The following TCAIM variants were observed in gnomAD, a reference collection of about 807,000 sequenced individuals.
TCAIM encodes T-cell activation inhibitor, mitochondrial.
A neutral mutation model predicts 58.6 loss-of-function variants in TCAIM; 36 were observed. That is an observed-to-expected ratio of 0.61 (90% CI 0.47 to 0.81). The LOEUF is 0.81. TCAIM is among the 30% of genes least tolerant of loss of function. TCAIM has a pLI of 0.00. For synonymous variants in TCAIM, 172 were observed against 193.6 expected (o/e 0.89, Z 0.93); for missense variants, 466 against 579.6 (o/e 0.80, Z 2.01).
chr3:44,372,074 G>A (rs535549465), intron 5 of TCAIM, among the ~76,000 whole-genome samples: 2 of 115,520 alleles, frequency 1.7e-5, no homozygotes, highest in African/African-American at 6.2e-5. Flanking sequence ...AGGAAGGAAG[G>A]AAGATACAGT....
intron 2 of TCAIM, among the ~76,000 whole-genome samples, chr3:44,356,922 A>T (rs945318850): frequency 1.3e-5 from 2 of 149,716 alleles, no homozygotes; most frequent in African/African-American, 4.9e-5. Flanking sequence ...GATTGCATGC[A>T]GTGAGCCAAG....
chr3:44,351,475 A>ATTTAT (rs890701613), intron 1 of TCAIM, among the ~76,000 whole-genome samples: 69 of 151,730 alleles, frequency 4.5e-4, no homozygotes, highest in East Asian at 3.9e-4. Context: ...ACCTTTTTAA[A>ATTTAT]TTTATTTTAT....
intron 8 of TCAIM, among the ~76,000 whole-genome samples, chr3:44,398,398 C>A (rs1246772823): frequency 4.6e-5 from 7 of 151,704 alleles, no homozygotes; most frequent in African/African-American, 7.3e-5. Flanking sequence ...CCACTGCATT[C>A]CAGCCTGGGC....
At chr3:44,356,379 T>G (rs1701190756) in intron 2 of TCAIM, among the ~76,000 whole-genome samples, 1 of 151,768 alleles carries the variant, frequency 6.6e-6, no homozygotes, top group Non-Finnish European at 1.5e-5. Context: ...ATGCAAAAAT[T>G]AACTGGGCAC....
At chr3:44,402,245 T>TG (rs1193114552) in intron 10 of TCAIM, among the ~76,000 whole-genome samples, 1 of 146,276 alleles carries the variant, frequency 6.8e-6, no homozygotes, top group Non-Finnish European at 1.5e-5. Flanking sequence ...GGCAATATGG[T>TG]GGGGAAAAAA....
chr3:44,362,177 T>C (rs1701304566), intron 4 of TCAIM, among the ~76,000 whole-genome samples: 1 of 152,254 alleles, frequency 6.6e-6, no homozygotes, highest in Non-Finnish European at 1.5e-5. Context: ...CACTGAGTGC[T>C]TTCTGTGAGT....
intron 5 of TCAIM, among the ~76,000 whole-genome samples, chr3:44,377,915 A>C (rs1000140133): frequency 6.6e-6 from 1 of 152,260 alleles, no homozygotes; most frequent in Non-Finnish European, 1.5e-5. Flanking sequence ...TGCCAAAAGC[A>C]ATTCCAACAA....
In TCAIM at chr3:44,373,927, AC is replaced by A. The variant is rs1354121900; in HGVS notation, c.572+6220del. ...CCATATGAAATGTCTATCCCACTGAACAAACATGTCATTGAACTAGAAAAAG... is the reference window on the plus strand; with the variant it reads ...CCATATGAAATGTCTATCCCACTGAAAAACATGTCATTGAACTAGAAAAAG... On this transcript the variant is annotated intron_variant, in intron 5 of 10. Coordinates refer to ENST00000342649, the MANE Select transcript of TCAIM (RefSeq NM_173826.4). Among the ~76,000 whole-genome samples, 13 of 152,316 alleles carry A rather than the reference AC, an allele frequency of 8.5e-5. No homozygotes were observed. In the East Asian group the frequency reaches 2.5e-3, roughly 29 times the overall value.
At chr3:44,386,699 C>T (rs1701748649) in intron 5 of TCAIM, among the ~76,000 whole-genome samples, 1 of 152,256 alleles carries the variant, frequency 6.6e-6, no homozygotes, top group African/African-American at 2.4e-5. Flanking sequence ...GCTGACACAC[C>T]AGCCCCCTGC....
intron 2 of TCAIM, among the ~76,000 whole-genome samples, chr3:44,356,426 C>T (rs1701191763): frequency 6.6e-6 from 1 of 152,000 alleles, no homozygotes; most frequent in Admixed American, 6.6e-5. Flanking sequence ...ACTTGCAAGG[C>T]TGAGGCAGGA....
At position 44,343,297 on chromosome 3, in the gene TCAIM, CT is replaced by C. The variant is rs144584712; in HGVS notation, c.-45+4464del. ...GATTTGAATACAAATCTCAAGCCCCCTAGCCTCCATTTCCTAACCATTATGC... is the reference window on the plus strand; with the variant it reads ...GATTTGAATACAAATCTCAAGCCCCCAGCCTCCATTTCCTAACCATTATGC... On this transcript the variant is annotated intron_variant, in intron 1 of 10. Coordinates refer to ENST00000342649, the MANE Select transcript of TCAIM (RefSeq NM_173826.4). Among the ~76,000 whole-genome samples, 560 of 152,206 alleles carry C rather than the reference CT, an allele frequency of 3.7e-3. 2 individuals are homozygous for C. The highest frequency in any genetic ancestry group is 0.013 in the African/African-American group (531 of 41,538).
intron 5 of TCAIM, among the ~76,000 whole-genome samples, chr3:44,374,691 G>T (rs993305320): frequency 4.6e-5 from 7 of 152,084 alleles, no homozygotes; most frequent in Non-Finnish European, 1.0e-4. Flanking sequence ...AGCCCAGGAG[G>T]TCTAGGCTGC....
At chr3:44,360,159 CT>C (rs1701272161) in intron 3 of TCAIM, among the ~76,000 whole-genome samples, 1 of 152,110 alleles carries the variant, frequency 6.6e-6, no homozygotes, top group African/African-American at 2.4e-5. Context: ...ATTCCGTCCC[CT>C]CTTTACCCTG....
chr3:44,398,417 G>A (rs1490561333), intron 8 of TCAIM, among the ~76,000 whole-genome samples: 6 of 145,150 alleles, frequency 4.1e-5, no homozygotes, highest in Admixed American at 7.1e-5. Context: ...GCAACACAGC[G>A]AGACTGTGTC....
At chr3:44,367,350 G>A (rs969069048) in intron 4 of TCAIM, 106 bp from the exon 5 acceptor site, 19 of 1,315,604 alleles carry the variant, frequency 1.4e-5, no homozygotes, top group Middle Eastern at 5.5e-4. Context: ...CTAATAGGAC[G>A]AATTTAAATC....
At chr3:44,364,043 C>T (rs542443528) in intron 4 of TCAIM, among the ~76,000 whole-genome samples, 1 of 149,816 alleles carries the variant, frequency 6.7e-6, no homozygotes, top group South Asian at 2.1e-4. Context: ...ATTCTTCTGC[C>T]TCAGCCTCCT....
chr3:44,381,097 C>G (rs1486862054), intron 5 of TCAIM, among the ~76,000 whole-genome samples: 2 of 152,132 alleles, frequency 1.3e-5, no homozygotes, highest in African/African-American at 4.8e-5. Flanking sequence ...GAAGAAGGAA[C>G]ACTCCCTAAC....
intron 1 of TCAIM, among the ~76,000 whole-genome samples, chr3:44,348,215 G>C (rs1701010370): frequency 6.6e-6 from 1 of 152,234 alleles, no homozygotes; most frequent in African/African-American, 2.4e-5. Flanking sequence ...ACCCTCCACT[G>C]TAAGAGTTAC....
chr3:44,355,866 A>C (rs1173642960), intron 2 of TCAIM, among the ~76,000 whole-genome samples: 2 of 152,238 alleles, frequency 1.3e-5, no homozygotes, highest in East Asian at 3.8e-4. Context: ...AGCAGCTGGC[A>C]GGAGAGCTAA....
Sources: allele counts gnomAD v4.1 joint callset (sites outside exome capture counted in the v4.1 genomes callset), GRCh38; gene constraint gnomAD v4.1.1; transcripts MANE v1.5; gene names NCBI Gene and HGNC (gene_info 2026-07-23, HGNC 2026-07-21).